EXOC6B: variants seen among roughly 807,000 people sequenced by gnomAD.
The protein encoded by EXOC6B is SEC15 homolog B.
Under a neutral mutation model 113.5 loss-of-function variants are expected in EXOC6B, and 54 were observed. The ratio of observed to expected loss-of-function variants is 0.48; its 90% CI spans 0.38 to 0.60. The LOEUF is 0.60. Ranked by LOEUF, EXOC6B falls within the 20% of genes least tolerant of loss-of-function variation. EXOC6B has a pLI of 0.00. For synonymous variants in EXOC6B, 357 were observed against 339.0 expected (o/e 1.05, Z -0.58); for missense variants, 797 against 977.5 (o/e 0.82, Z 2.46).
chr2:72,179,519 G>A, intron 21 of EXOC6B, 58 bp from the exon 22 acceptor site: 1 of 1,602,580 alleles, frequency 6.2e-7, no homozygotes, highest in East Asian at 2.2e-5. Flanking sequence ...GGTGGAAGGA[G>A]AACCTGCAGG....
chr2:72,550,602 A>T (rs1255014361), intron 8 of EXOC6B, among the ~76,000 whole-genome samples: 1 of 152,196 alleles, frequency 6.6e-6, no homozygotes, highest in African/African-American at 2.4e-5. Context: ...AAATACTTCA[A>T]CAGTAGGGAA....
chr2:72,678,998 C>T (rs1027009029), intron 6 of EXOC6B, among the ~76,000 whole-genome samples: 1 of 152,134 alleles, frequency 6.6e-6, no homozygotes, highest in African/African-American at 2.4e-5. Flanking sequence ...TTATCAACCA[C>T]TTTGAAATCC....
Position 72,716,739 on chromosome 2 carries a change from GAT to G in EXOC6B, c.669+1362_669+1363del, listed in dbSNP as rs898056825. 7.2e-4 allele frequency among the ~76,000 whole-genome samples: 109 copies of G among 152,158 alleles called. 1 individual carries two copies. Among genetic ancestry groups the G allele is most frequent in the African/African-American group, 2.6e-3 (106 of 41,522 alleles). The stretch of plus-strand genomic sequence containing the variant: ...CCTCCTCTGGGTCTTAATTTCTTCA[GAT>G]AATTAAGGAATGAGACCAGCTGGCC... On this transcript the variant is annotated intron_variant, in intron 6 of 21. Coordinates refer to ENST00000272427, the MANE Select transcript of EXOC6B (RefSeq NM_015189.3).
At chr2:72,537,753 A>T (rs1027759221) in intron 8 of EXOC6B, among the ~76,000 whole-genome samples, 1 of 152,196 alleles carries the variant, frequency 6.6e-6, no homozygotes, top group African/African-American at 2.4e-5. Context: ...ACTTTTATAA[A>T]CATCAGGTTC....
chr2:72,731,771 A>G (rs1442284685), intron 3 of EXOC6B, among the ~76,000 whole-genome samples: 1 of 152,218 alleles, frequency 6.6e-6, no homozygotes, highest in Non-Finnish European at 1.5e-5. Context: ...ATACCTAAAA[A>G]TGTTATTATC....
chr2:72,307,615 A>G (rs1261101969), intron 20 of EXOC6B, among the ~76,000 whole-genome samples: 1 of 152,012 alleles, frequency 6.6e-6, no homozygotes, highest in Non-Finnish European at 1.5e-5. Context: ...CTCTCTCACT[A>G]CCCAGTTCAG....
At chr2:72,677,281 A>G in intron 6 of EXOC6B, among the ~76,000 whole-genome samples, 1 of 152,166 alleles carries the variant, frequency 6.6e-6, no homozygotes, top group East Asian at 1.9e-4. Flanking sequence ...TCTGTAATCC[A>G]GCACTTCAGG....
chr2:72,447,102 C>CAA (rs1181938069), intron 18 of EXOC6B, among the ~76,000 whole-genome samples: 5 of 123,386 alleles, frequency 4.1e-5, no homozygotes, highest in Non-Finnish European at 5.3e-5. Flanking sequence ...GACTTCGTCT[C>CAA]AAAAAAAAAA....
intron 1 of EXOC6B, among the ~76,000 whole-genome samples, chr2:72,801,975 A>T (rs566076413): frequency 1.1e-4 from 16 of 152,210 alleles, no homozygotes; most frequent in Non-Finnish European, 1.9e-4. Context: ...TGACCCAGCA[A>T]TATCATTTCT....
At chr2:72,213,522 T>A (rs1680325246) in intron 20 of EXOC6B, among the ~76,000 whole-genome samples, 1 of 150,352 alleles carries the variant, frequency 6.7e-6, no homozygotes, top group Non-Finnish European at 1.5e-5. Flanking sequence ...CCACTGGACA[T>A]GGAGAAAATG....
chr2:72,541,498 AG>A (rs1702599603), intron 8 of EXOC6B, among the ~76,000 whole-genome samples: 1 of 152,096 alleles, frequency 6.6e-6, no homozygotes, highest in Non-Finnish European at 1.5e-5. Flanking sequence ...GTTATACAAA[AG>A]CCCTTCTCCT....
At chr2:72,682,430 T>C (rs1332831214) in intron 6 of EXOC6B, among the ~76,000 whole-genome samples, 2 of 152,174 alleles carry the variant, frequency 1.3e-5, no homozygotes, top group East Asian at 3.9e-4. Flanking sequence ...AGTTTCCTTT[T>C]TTATATTCTC....
intron 20 of EXOC6B, among the ~76,000 whole-genome samples, chr2:72,286,725 G>A (rs922467918): frequency 6.6e-6 from 1 of 151,990 alleles, no homozygotes; most frequent in Non-Finnish European, 1.5e-5. Flanking sequence ...AATGAGGGAG[G>A]CTATGCATGT....
intron 1 of EXOC6B, among the ~76,000 whole-genome samples, chr2:72,783,674 G>T (rs1161134008): frequency 6.6e-6 from 1 of 151,910 alleles, no homozygotes; most frequent in African/African-American, 2.4e-5. Context: ...CATGTCCTTT[G>T]CCCACTTTTT....
chr2:72,182,849 T>C (rs1039679711), intron 21 of EXOC6B: 1 of 1,212,284 alleles, frequency 8.2e-7, no homozygotes, highest in African/African-American at 1.6e-5. Flanking sequence ...CCAGAAGGAC[T>C]TGCCTCAAAG....
intron 18 of EXOC6B, among the ~76,000 whole-genome samples, chr2:72,384,242 G>A (rs530544298): frequency 6.6e-6 from 1 of 152,032 alleles, no homozygotes; most frequent in South Asian, 2.1e-4. Flanking sequence ...TGGGAATAGA[G>A]TGAATGAATG....
chr2:72,368,850 T>C (rs1366714173), intron 19 of EXOC6B, among the ~76,000 whole-genome samples: 2 of 152,270 alleles, frequency 1.3e-5, no homozygotes, highest in African/African-American at 4.8e-5. Flanking sequence ...AATTAGGCAT[T>C]GATGGGACAT....
At chr2:72,262,422 T>C (rs1002178506) in intron 20 of EXOC6B, among the ~76,000 whole-genome samples, 1 of 152,068 alleles carries the variant, frequency 6.6e-6, no homozygotes, top group Non-Finnish European at 1.5e-5. Flanking sequence ...GAGGCAATAG[T>C]ATCCCTGATA....
At chr2:72,561,163 G>C (rs2103709734) in intron 7 of EXOC6B, among the ~76,000 whole-genome samples, 1 of 151,918 alleles carries the variant, frequency 6.6e-6, no homozygotes, top group South Asian at 2.1e-4. Flanking sequence ...CAAAATATGA[G>C]GAAAATTTCT....
Sources: gnomAD v4.1 joint callset for allele counts (sites outside exome capture counted in the v4.1 genomes callset) on GRCh38, gnomAD v4.1.1 for gene constraint, MANE v1.5 for transcripts, NCBI Gene and HGNC (gene_info 2026-07-23, HGNC 2026-07-21) for gene names.